Variants in HCN1 observed in about 807,000 individuals in gnomAD.
The protein encoded by HCN1 is potassium/sodium hyperpolarization-activated cyclic nucleotide-gated channel 1.
A neutral mutation model predicts 78.9 loss-of-function variants in HCN1; 13 were observed. That is an observed-to-expected ratio of 0.16 (90% confidence interval 0.11 to 0.26). HCN1 has a LOEUF of 0.26. HCN1 is among the 10% of genes least tolerant of loss of function. The pLI is 1.00. For missense variants in HCN1, 810 were observed against 1,154.3 expected (o/e 0.70, Z 4.32); for synonymous variants, 552 against 455.5 (o/e 1.21, Z -2.70).
At chr5:45,293,879 A>G (rs1745431410) in intron 6 of HCN1, among the ~76,000 whole-genome samples, 1 of 151,980 alleles carries the variant, frequency 6.6e-6, no homozygotes, top group African/African-American at 2.4e-5. Flanking sequence ...AAAAGAAAAG[A>G]TCTGACAGAG....
chr5:45,588,543 C>T (rs1168225245), intron 2 of HCN1, among the ~76,000 whole-genome samples: 1 of 152,150 alleles, frequency 6.6e-6, no homozygotes, highest in East Asian at 1.9e-4. Context: ...TCCTGACCCC[C>T]TCCTCTAAAT....
chr5:45,268,190 T>TA (rs150977304), intron 6 of HCN1, among the ~76,000 whole-genome samples: 23 of 152,358 alleles, frequency 1.5e-4, no homozygotes, highest in Non-Finnish European at 2.9e-5. Flanking sequence ...AAATGACTTT[T>TA]AAGGGTAATT....
chr5:45,375,990 G>T (rs1747641651), intron 4 of HCN1, among the ~76,000 whole-genome samples: 2 of 109,834 alleles, frequency 1.8e-5, no homozygotes, highest in Admixed American at 1.1e-4. Context: ...TATTATATAT[G>T]ATATAATATT....
Position 45,366,902 on chromosome 5 carries a change from A to C in HCN1, c.1231-13656T>G, listed in dbSNP as rs549905832. ...GTTATCATGGTACTTATCAAGTCTGAATGATGTGGTATTAAGAATTAATGA... is the reference window on the plus strand; with the variant it reads ...GTTATCATGGTACTTATCAAGTCTGCATGATGTGGTATTAAGAATTAATGA... On this transcript the variant is annotated intron_variant, in intron 4 of 7. Transcript: ENST00000303230. Among the ~76,000 whole-genome samples, 4 of 151,926 alleles carry C rather than the reference A, an allele frequency of 2.6e-5. 1 individual carries two copies. The highest frequency in any genetic ancestry group is 9.6e-5 in the African/African-American group (4 of 41,554).
At chr5:45,435,041 T>A (rs1297115229) in intron 3 of HCN1, among the ~76,000 whole-genome samples, 1 of 152,012 alleles carries the variant, frequency 6.6e-6, no homozygotes, top group African/African-American at 2.4e-5. Context: ...ATTAACAACA[T>A]CCAATATGTC....
At chr5:45,314,118 G>T (rs1268616786) in intron 5 of HCN1, among the ~76,000 whole-genome samples, 1 of 152,134 alleles carries the variant, frequency 6.6e-6, no homozygotes, top group Non-Finnish European at 1.5e-5. Context: ...AGAGAGAAAG[G>T]TCGGGTTACC....
intron 2 of HCN1, among the ~76,000 whole-genome samples, chr5:45,555,731 C>T (rs1209238018): frequency 6.6e-6 from 1 of 151,340 alleles, no homozygotes; most frequent in African/African-American, 2.4e-5. Flanking sequence ...TAAACATACA[C>T]ACAGAGACAC....
At chr5:45,602,945 A>T (rs571490450) in intron 2 of HCN1, among the ~76,000 whole-genome samples, 1 of 152,290 alleles carries the variant, frequency 6.6e-6, no homozygotes, top group South Asian at 2.1e-4. Flanking sequence ...CAACAAAAGT[A>T]AACTAATCCA....
chr5:45,379,388 A>C (rs1747758507), intron 4 of HCN1, among the ~76,000 whole-genome samples: 1 of 152,094 alleles, frequency 6.6e-6, no homozygotes. Context: ...AATTGTATCT[A>C]AGAAATATGG....
At chr5:45,286,875 C>T (rs17271569) in intron 6 of HCN1, among the ~76,000 whole-genome samples, 9,688 of 151,838 alleles carry the variant, frequency 0.064, 478 homozygotes, top group Non-Finnish European at 0.084. Context: ...GGTGATGAAA[C>T]GCAATTTAAA....
Position 45,696,213 on chromosome 5 carries a change from CGCGGCGGCG to C in HCN1, c.-129_-121del, listed in dbSNP as rs745670367. 108 of 407,130 alleles carry C rather than the reference CGCGGCGGCG, an allele frequency of 2.7e-4. No homozygotes were observed. The highest frequency in any genetic ancestry group is 3.1e-4 in the Non-Finnish European group (91 of 291,502). 25.2% of individuals were successfully genotyped at this position (407,130 alleles called of 1,614,324 possible). A position where few individuals can be genotyped will look rare whatever the true frequency, so the allele number is the denominator to read the frequency against. ...GCTGCCGGCGAGCCCAGCTGCCCGT[CGCGGCGGCG>C]GCGGCGGCGGCGGCGGCTGCTGCTT... is the stretch of plus-strand genomic sequence containing the variant. On this transcript the variant is annotated 5_prime_UTR_variant, in exon 1 of 8. Transcript: ENST00000303230.
At chr5:45,554,548 A>T (rs1420665464) in intron 2 of HCN1, among the ~76,000 whole-genome samples, 3 of 151,684 alleles carry the variant, frequency 2.0e-5, no homozygotes, top group Non-Finnish European at 2.9e-5. Context: ...TTCACTACAG[A>T]AACAATGTCT....
chr5:45,509,960 C>T (rs1561182872), intron 2 of HCN1, among the ~76,000 whole-genome samples: 2 of 152,050 alleles, frequency 1.3e-5, no homozygotes, highest in Non-Finnish European at 2.9e-5. Flanking sequence ...GAAGGAATTC[C>T]CCAGATATTA....
chr5:45,327,227 G>A (rs1190974715), intron 5 of HCN1, among the ~76,000 whole-genome samples: 2 of 151,524 alleles, frequency 1.3e-5, no homozygotes, highest in African/African-American at 4.8e-5. Flanking sequence ...TTTTTAAGTG[G>A]CATAAACAAT....
chr5:45,307,638 A>G (rs2111911124), intron 5 of HCN1, among the ~76,000 whole-genome samples: 1 of 152,232 alleles, frequency 6.6e-6, no homozygotes, highest in Non-Finnish European at 1.5e-5. Context: ...CCAGTTCTAA[A>G]GATGATCAAG....
At chr5:45,341,102 T>G (rs1344765795) in intron 5 of HCN1, among the ~76,000 whole-genome samples, 1 of 152,244 alleles carries the variant, frequency 6.6e-6, no homozygotes, top group African/African-American at 2.4e-5. Flanking sequence ...GATACTGTTT[T>G]GTAAAGAATG....
chr5:45,283,160 G>GTAT lies in HCN1; in HGVS notation c.1619-15910_1619-15908dup, dbSNP rs1453307048. On this transcript the variant is annotated intron_variant, in intron 6 of 7. Coordinates refer to ENST00000303230, the MANE Select transcript of HCN1 (RefSeq NM_021072.4). The stretch of plus-strand genomic sequence containing the variant: ...AAAGAGAATAGTATAAAATGCACAA[G>GTAT]TATTTTCTATCTTTAATCTTTATTA... Among the ~76,000 whole-genome samples the GTAT allele has an allele frequency of 3.3e-5, 5 of 152,184 alleles. No individual in the cohort carries two copies. In the South Asian group the frequency reaches 1.0e-3, roughly 32 times the overall value.
intron 2 of HCN1, among the ~76,000 whole-genome samples, chr5:45,506,849 T>C (rs1267029548): frequency 1.3e-5 from 2 of 152,294 alleles, no homozygotes; most frequent in East Asian, 3.9e-4. Flanking sequence ...GAAATTCATG[T>C]TAATTCTAAA....
intron 2 of HCN1, among the ~76,000 whole-genome samples, chr5:45,465,755 GAAAA>G (rs202183213): frequency 6.7e-6 from 1 of 148,398 alleles, no homozygotes; most frequent in South Asian, 2.1e-4. Context: ...ACTTTGATGT[GAAAA>G]AAAAAAGTTT....
Sources: allele counts gnomAD v4.1 joint callset (sites outside exome capture counted in the v4.1 genomes callset), GRCh38; gene constraint gnomAD v4.1.1; transcripts MANE v1.5; gene names NCBI Gene and HGNC (gene_info 2026-07-23, HGNC 2026-07-21).